The following CFAP46 variants were observed in gnomAD, a reference collection of about 807,000 sequenced individuals.
CFAP46 encodes cilia and flagella associated protein 46, also known as cilia- and flagella-associated protein 46.
CFAP46 carries 245 observed loss-of-function variants against 325.7 expected under a neutral mutation model. The observed-to-expected ratio is 0.75, with a 90% CI of 0.68 to 0.84. The LOEUF (loss-of-function observed/expected upper bound fraction) is 0.84, where lower values mean the gene tolerates loss of function less well. Ranked by LOEUF, CFAP46 falls within the 40% of genes least tolerant of loss-of-function variation. The pLI is 0.00. For synonymous variants in CFAP46, 1,523 were observed against 1,495.9 expected (o/e 1.02, Z -0.42); for missense variants, 3,346 against 3,543.0 (o/e 0.94, Z 1.41).
intron 4 of CFAP46, 106 bp from the exon 5 acceptor site, chr10:132,938,859 T>A: frequency 9.8e-7 from 1 of 1,017,418 alleles, no homozygotes; most frequent in Non-Finnish European, 1.4e-6. Context: ...AGGAGGGGCC[T>A]CAGGTCCTCT....
At chr10:132,839,945 T>C (rs1848323045) in intron 44 of CFAP46, among the ~76,000 whole-genome samples, 1 of 152,242 alleles carries the variant, frequency 6.6e-6, no homozygotes, top group Non-Finnish European at 1.5e-5. Context: ...TCCTTTCTTG[T>C]AATGTCCCTG....
chr10:132,852,311 G>GT (rs1848567255), intron 39 of CFAP46, among the ~76,000 whole-genome samples: 1 of 110,116 alleles, frequency 9.1e-6, no homozygotes, highest in Non-Finnish European at 2.1e-5. Flanking sequence ...GACGTGGTAT[G>GT]TTCCTCCATT....
intron 34 of CFAP46, among the ~76,000 whole-genome samples, chr10:132,866,414 C>T (rs1001233862): frequency 3.9e-5 from 6 of 152,196 alleles, no homozygotes; most frequent in African/African-American, 1.2e-4. Context: ...TCTTTTCTCA[C>T]GAATCCCCTT....
chr10:132,930,867 CACA>C (rs1849887290), intron 8 of CFAP46, among the ~76,000 whole-genome samples: 1 of 105,312 alleles, frequency 9.5e-6, no homozygotes. Flanking sequence ...GGGCCTTCCC[CACA>C]CTCCCCACGC....
intron 31 of CFAP46, among the ~76,000 whole-genome samples, chr10:132,873,755 A>G (rs1361599216): frequency 1.3e-5 from 2 of 152,144 alleles, no homozygotes; most frequent in African/African-American, 2.4e-5. Flanking sequence ...TGAGAGGTCA[A>G]TGGAATTGAT....
chr10:132,810,710 AGCTGTGAGGC>A, intron 56 of CFAP46: 2 of 729,360 alleles, frequency 2.7e-6, no homozygotes, highest in Non-Finnish European at 5.0e-6. Context: ...CTCCAGGGAC[AGCTGTGAGGC>A]GCTGTGGGGA....
rs1459860729 is a variant in CFAP46, at chr10:132,886,611, C to A, written c.3305-652G>T. On this transcript the variant is annotated intron_variant, in intron 25 of 57. Transcript: ENST00000368586. This position sits in a 1 kb window ranked among gnomAD's most constrained non-coding sequence, Gnocchi z 5.8. ...GAACCCTCAGTGTCTGGGCGAGCTG[C>A]AGATGAACTTGAAGGGCCCTGAAGA... 6.6e-6 allele frequency among the ~76,000 whole-genome samples: 1 copy of A among 152,166 alleles called. No homozygotes were observed. Among genetic ancestry groups the A allele is most frequent in the African/African-American group, 2.4e-5 (1 of 41,424 alleles).
At chr10:132,843,759 C>T (rs1445032572) in intron 44 of CFAP46, among the ~76,000 whole-genome samples, 1 of 125,494 alleles carries the variant, frequency 8.0e-6, no homozygotes, top group Non-Finnish European at 1.7e-5. Flanking sequence ...CTGTGGGGCT[C>T]TGGTCTCAGT....
At chr10:132,882,606 G>T (rs555031026) in intron 27 of CFAP46, among the ~76,000 whole-genome samples, 2 of 152,022 alleles carry the variant, frequency 1.3e-5, no homozygotes, top group South Asian at 4.1e-4. Context: ...AGCGGGTGGG[G>T]GGTCTGGGCT....
chr10:132,808,626 G>C lies in CFAP46; in HGVS notation c.7943C>G (p.Ala2648Gly). 1.2e-6 allele frequency: 2 copies of C among 1,609,394 alleles called. No individual in the cohort carries two copies. The highest frequency in any genetic ancestry group is 1.1e-5 in the South Asian group (1 of 90,814). ...GGAAGTCGCTGGGGGAGGGTCCCTG[G>C]CTGAGGCTGCACCAAGGGCTGGGGA... Reference protein sequence around the residue: ...GLSPALGAASARDPPPATSRK... With the variant: ...GLSPALGAASGRDPPPATSRK... Residue 2648 changes from alanine to glycine, a missense_variant, in exon 58 of 58, where the codon GCC (alanine) becomes GGC (glycine). By Grantham distance (60) the Ala-to-Gly change is moderately conservative. Transcript: ENST00000368586. This position sits in a 1 kb window ranked among gnomAD's most constrained non-coding sequence, Gnocchi z 6.8.
chr10:132,869,003 G>A lies in CFAP46; in HGVS notation c.4610+271C>T, dbSNP rs1009966477. Among the ~76,000 whole-genome samples the A allele has an allele frequency of 3.3e-5, 5 of 152,208 alleles. No homozygotes were observed. Among genetic ancestry groups the A allele is most frequent in the African/African-American group, 9.6e-5 (4 of 41,454 alleles). On this transcript the variant is annotated intron_variant, in intron 33 of 57. Coordinates refer to ENST00000368586, the MANE Select transcript of CFAP46 (RefSeq NM_001200049.3). The surrounding 1 kb of genome is among the most constrained non-coding windows in gnomAD (Gnocchi z 6.2). ...CCCAGCGCCCAAGGGTCCAGGGCCCGGCAGCCAGCCTTTCTGTCCTCCGGG... is the reference window on the plus strand; with the variant it reads ...CCCAGCGCCCAAGGGTCCAGGGCCCAGCAGCCAGCCTTTCTGTCCTCCGGG...
chr10:132,936,436 C>T (rs11818545), intron 7 of CFAP46, among the ~76,000 whole-genome samples: 3 of 68,632 alleles, frequency 4.4e-5, no homozygotes, highest in Non-Finnish European at 5.5e-5. Context: ...TCACTCCCCT[C>T]GGCATCCAAA....
intron 39 of CFAP46, among the ~76,000 whole-genome samples, 167 bp downstream of exon 39, chr10:132,857,423 T>C (rs1359543836): frequency 6.6e-6 from 1 of 152,278 alleles, no homozygotes; most frequent in Non-Finnish European, 1.5e-5. Context: ...AGTCTTTGTT[T>C]CATACACTGT....
chr10:132,839,034 C>T (rs1258577297), intron 44 of CFAP46, among the ~76,000 whole-genome samples: 4 of 152,254 alleles, frequency 2.6e-5, no homozygotes, highest in Non-Finnish European at 4.4e-5. Context: ...ATTCCAACCT[C>T]GTGCCATCTT....
chr10:132,892,900 G>A (rs903953676), intron 24 of CFAP46, among the ~76,000 whole-genome samples: 30 of 152,030 alleles, frequency 2.0e-4, no homozygotes, highest in African/African-American at 6.5e-4. Context: ...GAGGCCCCCC[G>A]CCCCACACCA....
rs1848256731 is a variant in CFAP46 at position 132,836,817 on chromosome 10, C to T, written c.6536G>A (p.Arg2179Lys). Residue 2179 changes from arginine to lysine, a missense_variant and splice_region_variant, in exon 45 of 58, where the codon AGG becomes AAG. Transcript: ENST00000368586. Reference protein sequence around the residue: ...WILFLHLSGDRSRLYGAAYEK... With the variant: ...WILFLHLSGDKSRLYGAAYEK... The stretch of plus-strand genomic sequence containing the variant: ...CCTCAACAAGAAGGAGCGGCTTTAC[C>T]TGTCCCCTGAGAGGTGCAGAAAGAG... 1.2e-6 allele frequency: 2 copies of T among 1,612,954 alleles called. No individual in the cohort carries two copies. The highest frequency in any genetic ancestry group is 1.7e-5 in the Admixed American group (1 of 59,996).
chr10:132,879,395 C>T (rs1849004379), intron 29 of CFAP46, 31 bp downstream of exon 29: 2 of 1,456,850 alleles, frequency 1.4e-6, no homozygotes, highest in East Asian at 2.6e-5. Context: ...GGAGGTGCTG[C>T]AGGAGCAGGG....
At chr10:132,867,012 C>T (rs1315773889) in intron 34 of CFAP46, among the ~76,000 whole-genome samples, 1 of 152,192 alleles carries the variant, frequency 6.6e-6, no homozygotes, top group African/African-American at 2.4e-5. Flanking sequence ...GCCCGTGGTG[C>T]ACATAAAGCT....
chr10:132,894,135 T>A (rs1461505354), intron 24 of CFAP46, among the ~76,000 whole-genome samples: 3 of 152,256 alleles, frequency 2.0e-5, no homozygotes, highest in Non-Finnish European at 2.9e-5. Flanking sequence ...TGTACTTTGG[T>A]GGTGTGTGAC....
Sources: gnomAD v4.1 joint callset for allele counts (sites outside exome capture counted in the v4.1 genomes callset) on GRCh38, gnomAD v4.1.1 for gene constraint, Gnocchi (gnomAD v3.1) non-coding constraint, MANE v1.5 for transcripts, NCBI Gene and HGNC (gene_info 2026-07-23, HGNC 2026-07-21) for gene names.